The following SNX14 variants were observed in gnomAD, a reference collection of about 807,000 sequenced individuals.
SNX14 encodes the protein sorting nexin 14, also known as sorting nexin-14.
In SNX14, 93 loss-of-function variants were observed where a neutral mutation model predicts 133.8. The ratio of observed to expected loss-of-function variants is 0.70; its 90% CI spans 0.59 to 0.83. The LOEUF is 0.83. Among genes scored for constraint, SNX14 ranks in the 40% least tolerant of loss-of-function variants. SNX14 has a pLI of 0.00. For missense variants in SNX14, 945 were observed against 1,094.9 expected (o/e 0.86, Z 1.93); for synonymous variants, 368 against 365.6 (o/e 1.01, Z -0.07).
intron 23 of SNX14, among the ~76,000 whole-genome samples, chr6:85,516,693 A>T (rs1260260106): frequency 7.4e-6 from 1 of 134,902 alleles, no homozygotes; most frequent in East Asian, 2.2e-4. Context: ...GCTGAAGTGC[A>T]GTGGCGCGAT....
intron 16 of SNX14, 148 bp from the exon 17 acceptor site, chr6:85,537,072 C>T (rs923665702): frequency 7.2e-6 from 5 of 698,080 alleles, no homozygotes; most frequent in African/African-American, 3.6e-5. Context: ...TTTTCATACA[C>T]GGATTAAGTA....
chr6:85,577,246 T>G (rs745679689), intron 1 of SNX14, among the ~76,000 whole-genome samples: 3 of 151,916 alleles, frequency 2.0e-5, no homozygotes, highest in Non-Finnish European at 2.9e-5. Context: ...AAACCGCATC[T>G]CTACTAAAAA....
chr6:85,550,740 C>T (rs993885058), intron 7 of SNX14, among the ~76,000 whole-genome samples: 7 of 151,920 alleles, frequency 4.6e-5, no homozygotes, highest in African/African-American at 1.7e-4. Flanking sequence ...CTGAAGCAAT[C>T]TGCTCACTCC....
chr6:85,512,833 C>T (rs1423978166), intron 26 of SNX14, among the ~76,000 whole-genome samples: 2 of 152,154 alleles, frequency 1.3e-5, no homozygotes, highest in African/African-American at 4.8e-5. Flanking sequence ...GGGGCAGTGG[C>T]TTGCCGTATG....
rs777542453 is a variant in SNX14, at chr6:85,593,588, A to G, written c.131T>C (p.Leu44Pro). The change falls in exon 1 of 29, where the codon CTT becomes CCT. Residue 44 changes from leucine (L) to proline (P), a missense_variant. Transcript: ENST00000314673. ...LLLCLSAASL[L>P]LNRYIHILMI... ...CGCGCTGCGGCGTTACCTGTTAAGA[A>G]GCAGGGAGGCGGCGCTGAGACAGAG... 1.1e-5 allele frequency: 18 copies of G among 1,611,484 alleles called. No individual in the cohort carries two copies. The highest frequency in any genetic ancestry group is 2.2e-5 in the East Asian group (1 of 44,794).
intron 21 of SNX14, 117 bp from the exon 22 acceptor site, chr6:85,518,165 T>C (rs1775689648): frequency 2.6e-6 from 2 of 779,962 alleles, no homozygotes; most frequent in South Asian, 3.8e-5. Context: ...ACTGTAAAAG[T>C]ATTTATGATT....
chr6:85,538,776 T>C (rs1782709988), intron 16 of SNX14, 62 bp downstream of exon 16: 1 of 1,434,770 alleles, frequency 7.0e-7, no homozygotes, highest in African/African-American at 1.5e-5. Context: ...TGTATTAGGT[T>C]GTTCACAATG....
In SNX14 at chr6:85,547,408, A is replaced by G; in HGVS notation, c.913-11T>C. On this transcript the variant is annotated splice_polypyrimidine_tract_variant and intron_variant, in intron 10 of 28. Coordinates refer to ENST00000314673, the MANE Select transcript of SNX14 (RefSeq NM_153816.6). ...AGTTGCTTTTTCAGGCTTTGAAAGAAAGAGAATTATTAACTCAGTAAAATT... is the reference window on the plus strand; with the variant it reads ...AGTTGCTTTTTCAGGCTTTGAAAGAGAGAGAATTATTAACTCAGTAAAATT... 6.2e-7 allele frequency: 1 copy of G among 1,612,284 alleles called. No individual in the cohort carries two copies.
rs776021039 is a variant in SNX14 at position 85,543,778 on chromosome 6, G to T, written c.1109-18C>A. The T allele has an allele frequency of 1.4e-5, 20 of 1,419,670 alleles. No homozygotes were observed. The East Asian group carries it at 2.5e-4, about 18-fold the overall frequency. The allele number at this position is 1,419,670 out of a possible 1,614,324, so 87.9% of individuals were successfully genotyped here. A position where few individuals can be genotyped will look rare whatever the true frequency, so the allele number is the denominator to read the frequency against. On this transcript the variant is annotated intron_variant, in intron 12 of 28. Coordinates refer to ENST00000314673, the MANE Select transcript of SNX14 (RefSeq NM_153816.6). ...AAATTCCTCTAACAAATGAGGGAAT[G>T]AATAAGAAAAAATAATTTTAATATA...
chr6:85,512,230 G>A lies in SNX14; in HGVS notation c.2653+1570C>T, dbSNP rs148239679. Among the ~76,000 whole-genome samples the A allele has an allele frequency of 7.8e-3, 1,189 of 152,208 alleles. 12 individuals are homozygous for A. The highest frequency in any genetic ancestry group is 0.027 in the African/African-American group (1,115 of 41,538). On this transcript the variant is annotated intron_variant, in intron 26 of 28. Coordinates refer to ENST00000314673, the MANE Select transcript of SNX14 (RefSeq NM_153816.6). Reference sequence around the variant, plus strand: ...TGCCCTGACTGATGTATTTCAAAATGGTTCCCTTCTGGCCCCCTTGCCAGA... The same window carrying A: ...TGCCCTGACTGATGTATTTCAAAATAGTTCCCTTCTGGCCCCCTTGCCAGA...
intron 16 of SNX14, 132 bp from the exon 17 acceptor site, chr6:85,537,056 T>A (rs1782188720): frequency 1.1e-6 from 1 of 946,868 alleles, no homozygotes; most frequent in African/African-American, 1.7e-5. Context: ...AACATAACTT[T>A]TGGAGTTTTC....
At chr6:85,535,352 C>T (rs991442599) in intron 17 of SNX14, among the ~76,000 whole-genome samples, 24 of 151,688 alleles carry the variant, frequency 1.6e-4, no homozygotes, top group African/African-American at 3.4e-4. Flanking sequence ...CAGTGGTTCA[C>T]GCCTGTAGTC....
intron 1 of SNX14, among the ~76,000 whole-genome samples, chr6:85,575,689 T>C (rs969964676): frequency 6.6e-6 from 1 of 152,228 alleles, no homozygotes; most frequent in Non-Finnish European, 1.5e-5. Flanking sequence ...GTTCAACAGA[T>C]TCTATGCAGC....
chr6:85,549,973 G>A (rs1187178397), intron 7 of SNX14, 94 bp from the exon 8 acceptor site: 9 of 1,110,298 alleles, frequency 8.1e-6, no homozygotes, highest in African/African-American at 3.2e-5. Context: ...TGGGCTGGGC[G>A]TGGTGGCTCA....
chr6:85,553,597 A>T (rs927227132), intron 7 of SNX14, among the ~76,000 whole-genome samples: 1 of 152,276 alleles, frequency 6.6e-6, no homozygotes, highest in East Asian at 1.9e-4. Context: ...ATCCTGGCTA[A>T]CACGGTGAAA....
chr6:85,509,588 A>T (rs1439523496), intron 26 of SNX14, among the ~76,000 whole-genome samples: 1 of 152,154 alleles, frequency 6.6e-6, no homozygotes, highest in Non-Finnish European at 1.5e-5. Flanking sequence ...GAGATTTCGC[A>T]TATGTTCCCT....
intron 8 of SNX14, among the ~76,000 whole-genome samples, chr6:85,549,229 G>A (rs912160857): frequency 6.6e-6 from 1 of 151,802 alleles, no homozygotes; most frequent in Non-Finnish European, 1.5e-5. Context: ...CTCCTCTAAG[G>A]GTTATTAGGG....
In SNX14 at chr6:85,565,395, A is replaced by G. The variant is rs1209354820; in HGVS notation, c.486T>C (p.Phe162=). ...WYRDVTDDES[F]VDELRITLRF... ...GTAATGTTATTCTCAGTTCATCAAC[A>G]AAGGATTCATCATCTGTCACATCCC... The change falls in exon 6 of 29, where the codon TTT becomes TTC. Residue 162 remains phenylalanine, a synonymous_variant. Coordinates refer to ENST00000314673, the MANE Select transcript of SNX14 (RefSeq NM_153816.6). 1 of 1,603,684 alleles carries G rather than the reference A, an allele frequency of 6.2e-7. No individual in the cohort carries two copies. The highest frequency in any genetic ancestry group is 8.5e-7 in the Non-Finnish European group (1 of 1,174,500).
chr6:85,584,058 C>G (rs1394795498), intron 1 of SNX14, among the ~76,000 whole-genome samples: 1 of 152,072 alleles, frequency 6.6e-6, no homozygotes, highest in African/African-American at 2.4e-5. Context: ...GATATATAGA[C>G]CAATGGAACA....
Sources: allele counts gnomAD v4.1 joint callset (sites outside exome capture counted in the v4.1 genomes callset), GRCh38; gene constraint gnomAD v4.1.1; transcripts MANE v1.5; gene names NCBI Gene and HGNC (gene_info 2026-07-23, HGNC 2026-07-21).